Variants in MNAT1 observed in about 807,000 individuals in gnomAD.
The protein encoded by MNAT1 is MNAT1 component of CDK activating kinase, also known as CDK-activating kinase assembly factor MAT1.
A neutral mutation model predicts 42.0 loss-of-function variants in MNAT1; 43 were observed. The ratio of observed to expected loss-of-function variants is 1.02; its 90% CI spans 0.80 to 1.32. The LOEUF (loss-of-function observed/expected upper bound fraction) is 1.32. Ranked by LOEUF, MNAT1 falls within the 40% of genes most tolerant of loss-of-function variation. MNAT1 has a pLI of 0.00. For synonymous variants in MNAT1, 118 were observed against 120.0 expected, an observed-to-expected ratio of 0.98 and a Z score of 0.11; for missense variants, 306 against 350.4, an observed-to-expected ratio of 0.87 and a Z score of 1.01.
intron 7 of MNAT1, among the ~76,000 whole-genome samples, chr14:60,936,657 G>C (rs1594890616): frequency 1.3e-5 from 2 of 152,214 alleles, no homozygotes; most frequent in African/African-American, 4.8e-5. Context: ...CCAAGTCTTT[G>C]CTATTGTGAA....
intron 1 of MNAT1, among the ~76,000 whole-genome samples, chr14:60,752,270 T>C (rs2030126160): frequency 6.6e-6 from 1 of 152,236 alleles, no homozygotes; most frequent in Non-Finnish European, 1.5e-5. Flanking sequence ...CCAGATGCTG[T>C]ATTTTTGAGA....
intron 4 of MNAT1, chr14:60,808,769 T>C (rs2032456099): frequency 6.4e-6 from 1 of 155,754 alleles, no homozygotes; most frequent in South Asian, 2.0e-4. Context: ...ATTTTTATCC[T>C]TGGACATTAA....
At chr14:60,926,013 A>G (rs2035756538) in intron 7 of MNAT1, among the ~76,000 whole-genome samples, 1 of 152,180 alleles carries the variant, frequency 6.6e-6, no homozygotes, top group African/African-American at 2.4e-5. Context: ...AGATCTTTTG[A>G]TGGAAATTCA....
chr14:60,838,159 G>A (rs1339602051), intron 6 of MNAT1, among the ~76,000 whole-genome samples: 3 of 150,902 alleles, frequency 2.0e-5, no homozygotes, highest in Non-Finnish European at 4.4e-5. Flanking sequence ...TTTTTAGGCA[G>A]TATCTCACTT....
At chr14:60,911,489 C>T (rs2035362540) in intron 7 of MNAT1, among the ~76,000 whole-genome samples, 1 of 152,034 alleles carries the variant, frequency 6.6e-6, no homozygotes, top group Non-Finnish European at 1.5e-5. Flanking sequence ...CTACACACTG[C>T]TTTGAATGTG....
At position 60,897,708 on chromosome 14, in the gene MNAT1, C is replaced by T. The variant is rs557260562; in HGVS notation, c.809+17873C>T. On this transcript the variant is annotated intron_variant, in intron 7 of 7. Coordinates refer to ENST00000261245, the MANE Select transcript of MNAT1 (RefSeq NM_002431.4). ...ATCAAGTCAGGATATTTGGGGTATCCGTCACCTTGAGTATTTATTATTTCT... is the reference window on the plus strand; with the variant it reads ...ATCAAGTCAGGATATTTGGGGTATCTGTCACCTTGAGTATTTATTATTTCT... 9.9e-5 allele frequency among the ~76,000 whole-genome samples: 15 copies of T among 152,062 alleles called. No homozygotes were observed. The East Asian group carries it at 1.7e-3, about 18-fold the overall frequency.
chr14:60,884,213 C>T (rs554781254), intron 7 of MNAT1, among the ~76,000 whole-genome samples: 35 of 152,102 alleles, frequency 2.3e-4, no homozygotes, highest in African/African-American at 8.2e-4. Flanking sequence ...TTATATATGG[C>T]TTTCATTATG....
intron 7 of MNAT1, among the ~76,000 whole-genome samples, chr14:60,966,372 G>A (rs569200491): frequency 1.3e-5 from 2 of 152,118 alleles, no homozygotes; most frequent in South Asian, 2.1e-4. Flanking sequence ...CACCTGCCTC[G>A]GCTTCCCAGA....
intron 1 of MNAT1, among the ~76,000 whole-genome samples, chr14:60,764,738 A>T (rs2030745039): frequency 6.6e-6 from 1 of 152,230 alleles, no homozygotes; most frequent in Non-Finnish European, 1.5e-5. Context: ...AGGAATGTGT[A>T]TACGTAAATA....
intron 1 of MNAT1, among the ~76,000 whole-genome samples, chr14:60,735,666 G>C (rs1226244956): frequency 6.6e-6 from 1 of 152,204 alleles, no homozygotes; most frequent in Admixed American, 6.5e-5. Flanking sequence ...AGTGGGCCTT[G>C]AGAGAATTGG....
chr14:60,778,875 G>T (rs1236099431), intron 1 of MNAT1, among the ~76,000 whole-genome samples: 1 of 152,132 alleles, frequency 6.6e-6, no homozygotes, highest in Non-Finnish European at 1.5e-5. Flanking sequence ...ATGTACACGG[G>T]TTCAACAACC....
At chr14:60,847,289 A>G (rs1269460000) in intron 6 of MNAT1, among the ~76,000 whole-genome samples, 1 of 151,866 alleles carries the variant, frequency 6.6e-6, no homozygotes, top group Admixed American at 6.6e-5. Context: ...CTGTAGTTCC[A>G]GCTACTCAGG....
intron 6 of MNAT1, among the ~76,000 whole-genome samples, chr14:60,876,965 TGG>T (rs1348754920): frequency 1.2e-4 from 18 of 152,052 alleles, no homozygotes; most frequent in Non-Finnish European, 2.5e-4. Flanking sequence ...ATCCAATTGT[TGG>T]ATCATGTGGT....
Position 60,838,563 on chromosome 14 carries a change from A to C in MNAT1, c.687+19716A>C, listed in dbSNP as rs556019844. ...TTCTAAAGGTGGAAGGGATGGCAGC[A>C]GCAGTCACTGCAAAGACACCAGCTG... On this transcript the variant is annotated intron_variant, in intron 6 of 7. Coordinates refer to ENST00000261245, the MANE Select transcript of MNAT1 (RefSeq NM_002431.4). 3.9e-5 allele frequency among the ~76,000 whole-genome samples: 6 copies of C among 152,324 alleles called. No individual in the cohort carries two copies. The East Asian group carries it at 1.2e-3, about 29-fold the overall frequency.
At chr14:60,872,329 CT>C (rs2034343411) in intron 6 of MNAT1, among the ~76,000 whole-genome samples, 1 of 152,166 alleles carries the variant, frequency 6.6e-6, no homozygotes, top group Middle Eastern at 3.2e-3. Flanking sequence ...TAGGCCTCAC[CT>C]TCAACATGAG....
chr14:60,924,336 C>T (rs2035722122), intron 7 of MNAT1, among the ~76,000 whole-genome samples: 1 of 145,174 alleles, frequency 6.9e-6, no homozygotes, highest in Admixed American at 7.0e-5. Context: ...ATTTATATTA[C>T]TAAGTTTGTG....
chr14:60,803,572 G>A (rs1317695907), intron 3 of MNAT1, among the ~76,000 whole-genome samples: 1 of 152,118 alleles, frequency 6.6e-6, no homozygotes, highest in Admixed American at 6.5e-5. Context: ...AGAACATGGA[G>A]TTCTATGGAA....
intron 1 of MNAT1, among the ~76,000 whole-genome samples, chr14:60,762,041 A>AT (rs1168510798): frequency 3.3e-5 from 5 of 152,104 alleles, no homozygotes; most frequent in Non-Finnish European, 7.4e-5. Context: ...TCAGATATTC[A>AT]TTTTTTCTTT....
At position 60,734,892 on chromosome 14, in the gene MNAT1, G is replaced by A. The variant is rs1482511702; in HGVS notation, c.30G>A (p.Lys10=). The change falls in exon 1 of 8, where the codon AAG becomes AAA. Residue 10 remains lysine, a synonymous_variant. Transcript: ENST00000261245. This position sits in a 1 kb window ranked among gnomAD's most constrained non-coding sequence, Gnocchi z 4.3. ...ACGATCAGGGTTGCCCTCGGTGTAA[G>A]ACCACCAAATATCGGAACCCCTCCT... MDDQGCPRC[K]TTKYRNPSLK... is the part of the protein sequence containing the mutation. 3 of 1,614,060 alleles carry A rather than the reference G, an allele frequency of 1.9e-6. No individual in the cohort carries two copies. The highest frequency in any genetic ancestry group is 2.5e-6 in the Non-Finnish European group (3 of 1,180,034).
Sources: allele counts gnomAD v4.1 joint callset (sites outside exome capture counted in the v4.1 genomes callset), GRCh38; gene constraint gnomAD v4.1.1; non-coding constraint Gnocchi (gnomAD v3.1); transcripts MANE v1.5; gene names NCBI Gene and HGNC (gene_info 2026-07-23, HGNC 2026-07-21).